Variants in PDCD6IP observed in about 807,000 individuals in gnomAD.
PDCD6IP encodes programmed cell death 6 interacting protein.
Under a neutral mutation model 103.7 loss-of-function variants are expected in PDCD6IP, and 43 were observed. The ratio of observed to expected loss-of-function variants is 0.41; its 90% CI spans 0.32 to 0.53. PDCD6IP has a LOEUF of 0.53. Among genes scored for constraint, PDCD6IP ranks in the 20% least tolerant of loss-of-function variants. The pLI, the probability that PDCD6IP is intolerant of heterozygous loss-of-function variation, is 0.16. For missense variants in PDCD6IP, 871 were observed against 1,036.7 expected (o/e 0.84, Z 2.20); for synonymous variants, 354 against 378.7 (o/e 0.93, Z 0.76).
intron 1 of PDCD6IP, among the ~76,000 whole-genome samples, chr3:33,807,698 C>T (rs1286493620): frequency 6.6e-6 from 1 of 152,210 alleles, no homozygotes; most frequent in African/African-American, 2.4e-5. Context: ...GAGAATGTCT[C>T]CAGGATGGCA....
intron 1 of PDCD6IP, among the ~76,000 whole-genome samples, chr3:33,806,952 A>G (rs578031601): frequency 2.0e-5 from 3 of 152,162 alleles, no homozygotes; most frequent in East Asian, 1.9e-4. Context: ...CTGATCAGAC[A>G]TTGTTGATTT....
At chr3:33,810,896 ATT>A (rs772180215) in intron 1 of PDCD6IP, among the ~76,000 whole-genome samples, 23 of 138,032 alleles carry the variant, frequency 1.7e-4, no homozygotes, top group Non-Finnish European at 1.7e-4. Context: ...ATGTTTGTGG[ATT>A]TTTTTTTTTT....
intron 15 of PDCD6IP, 92 bp downstream of exon 15, chr3:33,855,352 T>C (rs767948525): frequency 1.4e-6 from 1 of 727,572 alleles, no homozygotes; most frequent in Non-Finnish European, 2.4e-6. Flanking sequence ...TAGTATGAGA[T>C]AGCAATTTTC....
At position 33,867,966 on chromosome 3, in the gene PDCD6IP, A is replaced by G. The variant is rs963042490; in HGVS notation, c.*1441A>G. 3 of 152,214 alleles carry G rather than the reference A, an allele frequency of 2.0e-5. No individual in the cohort carries two copies. Among genetic ancestry groups the G allele is most frequent in the African/African-American group, 7.2e-5 (3 of 41,460 alleles). The allele number at this position is 152,214 out of a possible 1,614,324, so 9.4% of individuals were successfully genotyped here. ...AAAGTATGATTGTAAAAGGGAGTGAATTGGTTTAAAAATATATGTATATTT... is the reference window on the plus strand; with the variant it reads ...AAAGTATGATTGTAAAAGGGAGTGAGTTGGTTTAAAAATATATGTATATTT... On this transcript the variant is annotated 3_prime_UTR_variant, in exon 18 of 18. Coordinates refer to ENST00000307296, the MANE Select transcript of PDCD6IP (RefSeq NM_013374.6).
In PDCD6IP at chr3:33,868,343, G is replaced by C. The variant is rs1226088873; in HGVS notation, c.*1818G>C. 1 of 152,202 alleles carries C rather than the reference G, an allele frequency of 6.6e-6. No individual in the cohort carries two copies. Among genetic ancestry groups the C allele is most frequent in the African/African-American group, 2.4e-5 (1 of 41,440 alleles). The allele number at this position is 152,202 out of a possible 1,614,324, so 9.4% of individuals were successfully genotyped here. ...TGGCCTGAATATTCTCTTGGGGAAA[G>C]AGGGCACCAAAGAAAAGGGTAAGTG... is the stretch of plus-strand genomic sequence containing the variant. On this transcript the variant is annotated 3_prime_UTR_variant, in exon 18 of 18. Coordinates refer to ENST00000307296, the MANE Select transcript of PDCD6IP (RefSeq NM_013374.6).
intron 10 of PDCD6IP, among the ~76,000 whole-genome samples, chr3:33,842,830 G>A (rs1697507230): frequency 6.6e-6 from 1 of 152,136 alleles, no homozygotes; most frequent in Non-Finnish European, 1.5e-5. Flanking sequence ...TCCTCATTCT[G>A]TTCCAAGATC....
intron 11 of PDCD6IP, among the ~76,000 whole-genome samples, chr3:33,844,961 T>C (rs1261368799): frequency 6.6e-6 from 1 of 152,178 alleles, no homozygotes; most frequent in African/African-American, 2.4e-5. Flanking sequence ...AGATAAATGC[T>C]ATCTTCATGG....
intron 16 of PDCD6IP, among the ~76,000 whole-genome samples, chr3:33,864,682 G>T (rs1575950590): frequency 6.6e-6 from 1 of 152,162 alleles, no homozygotes; most frequent in Admixed American, 6.6e-5. Flanking sequence ...GGATGAAAAT[G>T]GTATTGTGAT....
At chr3:33,865,471 G>T in intron 17 of PDCD6IP, 41 bp downstream of exon 17, 1 of 1,528,404 alleles carries the variant, frequency 6.5e-7, no homozygotes, top group Non-Finnish European at 8.8e-7. Flanking sequence ...GGCTAATGTT[G>T]TTTCTAGGCT....
chr3:33,835,499 T>A (rs1380891519), intron 7 of PDCD6IP, among the ~76,000 whole-genome samples: 1 of 152,206 alleles, frequency 6.6e-6, no homozygotes, highest in Non-Finnish European at 1.5e-5. Flanking sequence ...GGCAGATCAC[T>A]TAAGATCAGG....
At chr3:33,847,726 C>T (rs113221207) in intron 12 of PDCD6IP, among the ~76,000 whole-genome samples, 1 of 152,182 alleles carries the variant, frequency 6.6e-6, no homozygotes, top group African/African-American at 2.4e-5. Context: ...GATACTCTGA[C>T]AAATTTTGCA....
intron 9 of PDCD6IP, 134 bp downstream of exon 9, chr3:33,838,461 C>G: frequency 1.3e-6 from 1 of 788,008 alleles, no homozygotes. Flanking sequence ...ACACTTACAA[C>G]TATTTTTGTT....
intron 6 of PDCD6IP, 132 bp from the exon 7 acceptor site, chr3:33,828,720 TA>T: frequency 1.2e-6 from 1 of 801,712 alleles, no homozygotes; most frequent in Non-Finnish European, 1.9e-6. Context: ...ACCTAATGAC[TA>T]ACCTTAATCT....
In PDCD6IP at chr3:33,818,882, A is replaced by T. The variant is rs117062673; in HGVS notation, c.335-3073A>T. 6.1e-4 allele frequency among the ~76,000 whole-genome samples: 93 copies of T among 152,024 alleles called. No homozygotes were observed. In the East Asian group the frequency reaches 0.016, roughly 26 times the overall value. On this transcript the variant is annotated intron_variant, in intron 3 of 17. Coordinates refer to ENST00000307296, the MANE Select transcript of PDCD6IP (RefSeq NM_013374.6). ...TCTGATTTTTGTTATTTTATAAGTG[A>T]TCTGTTTCTTTGCTCTTGGGAATAT...
chr3:33,866,276 AG>A (rs1435183578), intron 17 of PDCD6IP, 74 bp from the exon 18 acceptor site: 1 of 909,670 alleles, frequency 1.1e-6, no homozygotes, highest in African/African-American at 1.7e-5. Flanking sequence ...TGAAAAACGT[AG>A]TTCTAGAATG....
At position 33,867,287 on chromosome 3, in the gene PDCD6IP, CAAAT is replaced by C. The variant is rs776770124; in HGVS notation, c.*767_*770del. 5 of 152,130 alleles carry C rather than the reference CAAAT, an allele frequency of 3.3e-5. No individual in the cohort carries two copies. The highest frequency in any genetic ancestry group is 7.4e-5 in the Non-Finnish European group (5 of 68,000). The allele number at this position is 152,130 out of a possible 1,614,324, so 9.4% of individuals were successfully genotyped here. The stretch of plus-strand genomic sequence containing the variant: ...ACCAAAGATTCTTCAAATAAACATA[CAAAT>C]AAATGTGTATATTTAATGTTTTATT... On this transcript the variant is annotated 3_prime_UTR_variant, in exon 18 of 18. Coordinates refer to ENST00000307296, the MANE Select transcript of PDCD6IP (RefSeq NM_013374.6).
Position 33,864,034 on chromosome 3 carries a change from C to A in PDCD6IP, c.2149C>A (p.Pro717Thr). Residue 717 changes from proline to threonine, a missense_variant, in exon 16 of 18, where the codon CCT becomes ACT. Pro to Thr is a conservative substitution (Grantham distance 38, BLOSUM62 -1). Coordinates refer to ENST00000307296, the MANE Select transcript of PDCD6IP (RefSeq NM_013374.6). ...CTTGCAACAAAGCATTGCCAGAGAA[C>A]CTAGTGCTCCTTCAATTCCTACACC... Reference protein sequence around the residue: ...KDLQQSIAREPSAPSIPTPAY... With the variant: ...KDLQQSIARETSAPSIPTPAY... 1 of 1,613,844 alleles carries A rather than the reference C, an allele frequency of 6.2e-7. No individual in the cohort carries two copies. The highest frequency in any genetic ancestry group is 1.3e-5 in the African/African-American group (1 of 75,036).
At chr3:33,861,318 A>AT (rs1559799159) in intron 15 of PDCD6IP, among the ~76,000 whole-genome samples, 1 of 151,904 alleles carries the variant, frequency 6.6e-6, no homozygotes, top group Non-Finnish European at 1.5e-5. Flanking sequence ...TAATTTTTGT[A>AT]TTTTTAGTAG....
At chr3:33,862,248 T>C (rs1416422853) in intron 15 of PDCD6IP, among the ~76,000 whole-genome samples, 4 of 152,082 alleles carry the variant, frequency 2.6e-5, no homozygotes, top group Non-Finnish European at 5.9e-5. Context: ...TTTTGTTTTT[T>C]TTTTTTGATG....
Sources: gnomAD v4.1 joint callset for allele counts (sites outside exome capture counted in the v4.1 genomes callset) on GRCh38, gnomAD v4.1.1 for gene constraint, MANE v1.5 for transcripts, NCBI Gene and HGNC (gene_info 2026-07-23, HGNC 2026-07-21) for gene names.